LRP2: variants seen among roughly 807,000 people sequenced by gnomAD.
LRP2 encodes the protein low-density lipoprotein receptor-related protein 2.
LRP2 carries 172 observed loss-of-function variants against 531.0 expected under a neutral mutation model. The observed-to-expected ratio is 0.32, with a 90% confidence interval of 0.29 to 0.37. The LOEUF (loss-of-function observed/expected upper bound fraction) is 0.37, where lower values mean the gene tolerates loss of function less well. Among genes scored for constraint, LRP2 ranks in the 10% least tolerant of loss-of-function variants. LRP2 has a pLI of 1.00. For synonymous variants in LRP2, 1,992 were observed against 2,027.6 expected, an observed-to-expected ratio of 0.98 and a Z score of 0.47; for missense variants, 5,167 against 5,868.3, an observed-to-expected ratio of 0.88 and a Z score of 3.90.
chr2:169,211,082 T>C (rs1031284779), intron 37 of LRP2, among the ~76,000 whole-genome samples: 1 of 152,208 alleles, frequency 6.6e-6, no homozygotes, highest in African/African-American at 2.4e-5. Flanking sequence ...CTTAGATCCA[T>C]AACTTTTTAG....
intron 31 of LRP2, among the ~76,000 whole-genome samples, chr2:169,229,646 C>T (rs1355999196): frequency 1.3e-5 from 2 of 152,166 alleles, no homozygotes; most frequent in African/African-American, 2.4e-5. Context: ...ACAGAGAAAG[C>T]ACTCATTATA....
intron 16 of LRP2, among the ~76,000 whole-genome samples, chr2:169,262,517 A>G (rs1320861950): frequency 2.7e-5 from 4 of 147,614 alleles, no homozygotes; most frequent in Admixed American, 2.1e-4. Context: ...AGAATAAAAT[A>G]CCTAGGAATC....
intron 25 of LRP2, among the ~76,000 whole-genome samples, chr2:169,240,507 G>C (rs1416366519): frequency 6.6e-6 from 1 of 152,108 alleles, no homozygotes; most frequent in African/African-American, 2.4e-5. Flanking sequence ...AATCATACCT[G>C]GCTGGGGTTC....
chr2:169,334,513 G>A (rs545325786), intron 1 of LRP2, among the ~76,000 whole-genome samples: 1 of 152,076 alleles, frequency 6.6e-6, no homozygotes, highest in Non-Finnish European at 1.5e-5. Context: ...GGATCCATAG[G>A]CATTATAATA....
At chr2:169,214,539 G>T in intron 35 of LRP2, among the ~76,000 whole-genome samples, 1 of 152,004 alleles carries the variant, frequency 6.6e-6, no homozygotes, top group Non-Finnish European at 1.5e-5. Flanking sequence ...GGGTATTGGC[G>T]AGAGACACAG....
At chr2:169,356,024 G>A (rs1212703338) in intron 1 of LRP2, among the ~76,000 whole-genome samples, 4 of 152,080 alleles carry the variant, frequency 2.6e-5, no homozygotes, top group Admixed American at 6.6e-5. Context: ...CCAAGTAGCT[G>A]GGACCACAAG....
At chr2:169,254,787 C>T in intron 19 of LRP2, among the ~76,000 whole-genome samples, 1 of 151,726 alleles carries the variant, frequency 6.6e-6, no homozygotes. Context: ...TTCTCGAATC[C>T]CAAAACATCC....
intron 75 of LRP2, among the ~76,000 whole-genome samples, chr2:169,138,117 G>A (rs1685585747): frequency 6.6e-6 from 1 of 152,200 alleles, no homozygotes; most frequent in Non-Finnish European, 1.5e-5. Flanking sequence ...ATACTTAGTA[G>A]GTGGCAGAGC....
chr2:169,173,258 A>C (rs1232791485), intron 56 of LRP2, 34 bp from the exon 57 acceptor site: 1 of 1,613,394 alleles, frequency 6.2e-7, no homozygotes, highest in Non-Finnish European at 8.5e-7. Flanking sequence ...GTCAGAACTG[A>C]AGGTACAAGA....
intron 16 of LRP2, among the ~76,000 whole-genome samples, chr2:169,266,137 ATTAAT>A (rs1479291108): frequency 6.6e-6 from 1 of 152,076 alleles, no homozygotes; most frequent in East Asian, 1.9e-4. Context: ...AACACATATG[ATTAAT>A]TTAACCAAAA....
intron 52 of LRP2, among the ~76,000 whole-genome samples, chr2:169,179,224 C>T (rs577483125): frequency 1.3e-3 from 194 of 152,140 alleles, no homozygotes; most frequent in African/African-American, 4.3e-3. Flanking sequence ...CCAAGCTGGT[C>T]TTGAACTCCT....
At chr2:169,234,196 G>A (rs1244482846) in intron 29 of LRP2, among the ~76,000 whole-genome samples, 2 of 151,992 alleles carry the variant, frequency 1.3e-5, no homozygotes, top group African/African-American at 4.8e-5. Flanking sequence ...TTGTTACATA[G>A]GTATACATGT....
At chr2:169,220,377 ATCT>A in intron 34 of LRP2, 74 bp downstream of exon 34, 3 of 1,063,334 alleles carry the variant, frequency 2.8e-6, no homozygotes, top group Admixed American at 1.7e-5. Flanking sequence ...TAAATTTGAA[ATCT>A]TCCATTTTGT....
Position 169,170,450 on chromosome 2 carries a change from A to G in LRP2, c.11380+101T>C, listed in dbSNP as rs951909165. 4.0e-5 allele frequency: 35 copies of G among 877,410 alleles called. No individual in the cohort carries two copies. In the African/African-American group the frequency reaches 5.1e-4, roughly 13 times the overall value. The allele number at this position is 877,410 out of a possible 1,614,324, so 54.4% of individuals were successfully genotyped here. A position where few individuals can be genotyped will look rare whatever the true frequency, so the allele number is the denominator to read the frequency against. On this transcript the variant is annotated intron_variant, in intron 59 of 78. Coordinates refer to ENST00000649046, the MANE Select transcript of LRP2 (RefSeq NM_004525.3). ...GCTAAGGTTTACATATTACACATATACAAAAATAATTTTCCTCTAAAAGCC... is the reference window on the plus strand; with the variant it reads ...GCTAAGGTTTACATATTACACATATGCAAAAATAATTTTCCTCTAAAAGCC...
At position 169,289,039 on chromosome 2, in the gene LRP2, G is replaced by T. The variant is rs752930529; in HGVS notation, c.1029C>A (p.Ser343Arg). The change falls in exon 9 of 79, where the codon AGC (serine) becomes AGA (arginine). Residue 343 changes from serine to arginine, a missense_variant. Ser to Arg is a moderately radical substitution (Grantham distance 110, BLOSUM62 -1). This residue lies in a region of LRP2 where 2,811 missense variants were observed against 3,058.0 expected (regional missense o/e 0.92). Transcript: ENST00000649046. ...PPGYIINHND[S>R]RTCVEFDDCQ... ...CCCATCACTTACCAACACAGGTACG[G>T]CTGTCATTGTGGTTGATGATATAAC... The T allele has an allele frequency of 6.2e-7, 1 of 1,613,982 alleles. No individual in the cohort carries two copies. Among genetic ancestry groups the T allele is most frequent in the Non-Finnish European group, 8.5e-7 (1 of 1,179,938 alleles).
In LRP2 at chr2:169,257,266, T is replaced by G; in HGVS notation, c.2514-17A>C. On this transcript the variant is annotated splice_polypyrimidine_tract_variant and intron_variant, in intron 17 of 78. Transcript: ENST00000649046. The stretch of plus-strand genomic sequence containing the variant: ...AATAGATACCTAGAAAAAGCAGTAG[T>G]AAATTAAGGCTGTTAACACTGGGAC... 1 of 1,611,626 alleles carries G rather than the reference T, an allele frequency of 6.2e-7. No homozygotes were observed. Among genetic ancestry groups the G allele is most frequent in the South Asian group, 1.1e-5 (1 of 91,012 alleles).
chr2:169,258,843 T>A (rs372508900), intron 17 of LRP2, among the ~76,000 whole-genome samples, 182 bp downstream of exon 17: 4 of 151,968 alleles, frequency 2.6e-5, no homozygotes, highest in African/African-American at 9.7e-5. Context: ...TAAAAACAAT[T>A]TTTTTTACTC....
rs10201691 is a variant in LRP2 at position 169,212,518 on chromosome 2, G to A, written c.6041-311C>T. Reference sequence around the variant, plus strand: ...CTGCTCATAATTTGCCTATGAACTGGCACTTAAAATAATATGTTCAGTTAC... The same window carrying A: ...CTGCTCATAATTTGCCTATGAACTGACACTTAAAATAATATGTTCAGTTAC... On this transcript the variant is annotated intron_variant, in intron 36 of 78. Coordinates refer to ENST00000649046, the MANE Select transcript of LRP2 (RefSeq NM_004525.3). Among the ~76,000 whole-genome samples the A allele has an allele frequency of 0.11, 16,448 of 152,034 alleles. 1,632 individuals are homozygous for A. The highest frequency in any genetic ancestry group is 0.27 in the African/African-American group (11,129 of 41,412).
At chr2:169,186,991 T>C (rs1687656246) in intron 49 of LRP2, among the ~76,000 whole-genome samples, 1 of 152,214 alleles carries the variant, frequency 6.6e-6, no homozygotes, top group African/African-American at 2.4e-5. Flanking sequence ...AAATGGTTTT[T>C]GAAACTTTGG....
Sources: gnomAD v4.1 joint callset for allele counts (sites outside exome capture counted in the v4.1 genomes callset) on GRCh38, gnomAD v4.1.1 for gene constraint, gnomAD v4.1.1 regional missense constraint, MANE v1.5 for transcripts, NCBI Gene and HGNC (gene_info 2026-07-23, HGNC 2026-07-21) for gene names.